Variants in WDFY4 observed in about 807,000 individuals in gnomAD.
The protein encoded by WDFY4 is WDFY family member 4, also known as WD repeat- and FYVE domain-containing protein 4.
A neutral mutation model predicts 351.9 loss-of-function variants in WDFY4; 169 were observed. The ratio of observed to expected loss-of-function variants is 0.48; its 90% CI spans 0.42 to 0.55. WDFY4 has a LOEUF of 0.55. Among genes scored for constraint, WDFY4 ranks in the 20% least tolerant of loss-of-function variants. The probability of loss-of-function intolerance (pLI) is 0.00; values close to 1 mark genes in which losing one functional copy is unlikely to be tolerated. For missense variants in WDFY4, 3,803 were observed against 3,935.6 expected, an observed-to-expected ratio of 0.97 and a Z score of 0.90; for synonymous variants, 1,622 against 1,574.6, an observed-to-expected ratio of 1.03 and a Z score of -0.71.
At chr10:48,811,055 A>C (rs548327952) in intron 29 of WDFY4, among the ~76,000 whole-genome samples, 101 of 152,328 alleles carry the variant, frequency 6.6e-4, no homozygotes, top group African/African-American at 2.1e-3. Context: ...ATTCATCCTG[A>C]GATCTCAGTT....
At chr10:48,833,787 GA>G (rs1394172802) in intron 39 of WDFY4, among the ~76,000 whole-genome samples, 3 of 152,232 alleles carry the variant, frequency 2.0e-5, no homozygotes, top group Non-Finnish European at 2.9e-5. Context: ...TCCCCAGTGG[GA>G]TAAATAACTG....
chr10:48,930,577 T>G (rs1589928709), intron 47 of WDFY4, among the ~76,000 whole-genome samples: 1 of 151,946 alleles, frequency 6.6e-6, no homozygotes, highest in East Asian at 1.9e-4. Context: ...TGGGAAGAGG[T>G]GGGACTAGGC....
chr10:48,919,563 G>A (rs561626788), intron 47 of WDFY4, among the ~76,000 whole-genome samples: 5 of 152,338 alleles, frequency 3.3e-5, no homozygotes, highest in Non-Finnish European at 7.3e-5. Context: ...AGGCTGGGAA[G>A]TCCAAATCAA....
chr10:48,876,070 G>A (rs997400703), intron 42 of WDFY4, among the ~76,000 whole-genome samples: 2 of 152,162 alleles, frequency 1.3e-5, no homozygotes, highest in African/African-American at 4.8e-5. Flanking sequence ...GACATGCAGA[G>A]CCCCTGGGTG....
chr10:48,794,369 G>A (rs1244542648), intron 23 of WDFY4, among the ~76,000 whole-genome samples: 2 of 152,064 alleles, frequency 1.3e-5, no homozygotes, highest in Admixed American at 6.6e-5. Flanking sequence ...CCAGCAGGCC[G>A]CCGACAGGAA....
At chr10:48,819,547 G>A (rs572813601) in intron 32 of WDFY4, among the ~76,000 whole-genome samples, 4 of 152,288 alleles carry the variant, frequency 2.6e-5, no homozygotes, top group Admixed American at 6.5e-5. Context: ...GTCCCTGGCC[G>A]CGTGTCCTTG....
chr10:48,943,658 T>C (rs924246616), intron 49 of WDFY4, among the ~76,000 whole-genome samples: 2 of 151,940 alleles, frequency 1.3e-5, no homozygotes, highest in African/African-American at 4.8e-5. Flanking sequence ...AAAGGCGCAA[T>C]CTCTGCTCAC....
At chr10:48,823,085 A>G in intron 35 of WDFY4, 1 of 1,261,572 alleles carries the variant, frequency 7.9e-7, no homozygotes, top group South Asian at 1.3e-5. Flanking sequence ...TAGGGCCATC[A>G]TTGAATGTAG....
rs971865081 is a variant in WDFY4 at position 48,850,481 on chromosome 10, C to T, written c.6664-16784C>T. 7.2e-5 allele frequency among the ~76,000 whole-genome samples: 11 copies of T among 151,824 alleles called. No homozygotes were observed. In the East Asian group the frequency reaches 7.7e-4, roughly 11 times the overall value. Reference sequence around the variant, plus strand: ...CATAGTATTTAACTGATCTCATATGCGCTTTCCCTGTAACTCTCTTGATCT... The same window carrying T: ...CATAGTATTTAACTGATCTCATATGTGCTTTCCCTGTAACTCTCTTGATCT... On this transcript the variant is annotated intron_variant, in intron 39 of 61. Coordinates refer to ENST00000325239, the MANE Select transcript of WDFY4 (RefSeq NM_001394531.1).
chr10:48,792,331 T>A (rs914521458), intron 23 of WDFY4, among the ~76,000 whole-genome samples: 4 of 152,242 alleles, frequency 2.6e-5, no homozygotes, highest in Admixed American at 2.0e-4. Context: ...ACATCCCGTT[T>A]TAATTGCTCT....
At chr10:48,785,453 C>T (rs1327464315) in intron 19 of WDFY4, among the ~76,000 whole-genome samples, 1 of 151,884 alleles carries the variant, frequency 6.6e-6, no homozygotes, top group Non-Finnish European at 1.5e-5. Flanking sequence ...ATTTTTTTCC[C>T]TAAAAATTTT....
intron 47 of WDFY4, among the ~76,000 whole-genome samples, chr10:48,922,062 A>T (rs1839132897): frequency 6.6e-6 from 1 of 152,252 alleles, no homozygotes. Flanking sequence ...ACAGAAAAAT[A>T]ATAAATGTCC....
intron 53 of WDFY4, among the ~76,000 whole-genome samples, chr10:48,960,908 G>A (rs928951860): frequency 1.3e-5 from 2 of 152,192 alleles, no homozygotes; most frequent in African/African-American, 4.8e-5. Context: ...CAAATTAGTG[G>A]TTCCTAAGAT....
intron 24 of WDFY4, among the ~76,000 whole-genome samples, chr10:48,798,677 C>G (rs2066955034): frequency 6.6e-6 from 1 of 152,212 alleles, no homozygotes; most frequent in Non-Finnish European, 1.5e-5. Flanking sequence ...AAGGGAACGC[C>G]AGGCTGGGCA....
At chr10:48,729,685 A>G (rs755244725) in intron 8 of WDFY4, 96 bp downstream of exon 8, 82 of 1,438,074 alleles carry the variant, frequency 5.7e-5, no homozygotes, top group African/African-American at 1.0e-4. Context: ...GTACCTTTCA[A>G]TGGTGCAGTA....
chr10:48,975,936 G>T (rs558216599), intron 58 of WDFY4, among the ~76,000 whole-genome samples: 1 of 152,314 alleles, frequency 6.6e-6, no homozygotes, highest in Admixed American at 6.5e-5. Flanking sequence ...TGTATAGAAG[G>T]CATTGAAGCC....
At position 48,820,263 on chromosome 10, in the gene WDFY4, C is replaced by T. The variant is rs41283279; in HGVS notation, c.5535C>T (p.Thr1845=). The T allele has an allele frequency of 0.064, 98,936 of 1,551,612 alleles. 3,438 individuals are homozygous for T. Among genetic ancestry groups the T allele is most frequent in the Middle Eastern group, 0.072 (434 of 5,990 alleles). ...TTGGGGCTGAGTCCACCCGGAACAC[C>T]AGCAGTCCTGAGGCCGCAGCTGAAG... ...KGVGAESTRN[T]SSPEAAAEGD... Residue 1845 remains threonine, a synonymous_variant, in exon 33 of 62, where the codon ACC becomes ACT. Coordinates refer to ENST00000325239, the MANE Select transcript of WDFY4 (RefSeq NM_001394531.1).
At chr10:48,702,974 T>C (rs2063521811) in intron 1 of WDFY4, among the ~76,000 whole-genome samples, 1 of 152,186 alleles carries the variant, frequency 6.6e-6, no homozygotes, top group Non-Finnish European at 1.5e-5. Flanking sequence ...GATGATGCTG[T>C]TGTCCGTACT....
intron 51 of WDFY4, among the ~76,000 whole-genome samples, chr10:48,950,290 T>C (rs1404511008): frequency 6.6e-6 from 1 of 152,232 alleles, no homozygotes; most frequent in African/African-American, 2.4e-5. Flanking sequence ...AGTGGAATTA[T>C]GCAATGTTTG....
Sources: gnomAD v4.1 joint callset for allele counts (sites outside exome capture counted in the v4.1 genomes callset) on GRCh38, gnomAD v4.1.1 for gene constraint, MANE v1.5 for transcripts, NCBI Gene and HGNC (gene_info 2026-07-23, HGNC 2026-07-21) for gene names.